Variants in TRMT11 observed in about 807,000 individuals in gnomAD.
TRMT11 encodes tRNA methyltransferase 11.
In TRMT11, 53 loss-of-function variants were observed where a neutral mutation model predicts 62.8. The observed-to-expected ratio is 0.84, with a 90% CI of 0.68 to 1.06. The LOEUF is 1.06. Among genes scored for constraint, TRMT11 ranks in the 50% least tolerant of loss-of-function variants. The probability of loss-of-function intolerance (pLI) is 0.00; values close to 1 mark genes in which losing one functional copy is unlikely to be tolerated. For missense variants in TRMT11, 556 were observed against 553.4 expected (o/e 1.00, Z -0.05); for synonymous variants, 188 against 190.3 (o/e 0.99, Z 0.10).
chr6:126,059,045 C>CT (rs1036996695), intron 17 of TRMT11, among the ~76,000 whole-genome samples: 11,360 of 128,098 alleles, frequency 0.089, 1,529 homozygotes, highest in African/African-American at 0.27. Context: ...CTCTACTTAT[C>CT]TTTTTTTTTT....
rs1040027261 is a variant in TRMT11 at position 126,131,343 on chromosome 6, G to T, written c.*1823+15488G>T. Reference sequence around the variant, plus strand: ...CCACAGAGGAGATAACTGATCTGGGGCTTAGCAGTATTGGCAGGGTGGTGC... The same window carrying T: ...CCACAGAGGAGATAACTGATCTGGGTCTTAGCAGTATTGGCAGGGTGGTGC... On this transcript the variant is annotated intron_variant and NMD_transcript_variant, in intron 21 of 22. Transcript: ENST00000648977. Among the ~76,000 whole-genome samples the T allele has an allele frequency of 2.4e-4, 36 of 152,014 alleles. 1 individual carries two copies. The highest frequency in any genetic ancestry group is 8.2e-4 in the African/African-American group (34 of 41,406).
rs773093327 is a variant in TRMT11, at chr6:125,986,581, C to CT, written c.32dup (p.Leu12AlafsTer42). On this transcript the variant is annotated frameshift_variant, in exon 1 of 13. Coordinates refer to ENST00000334379, the MANE Select transcript of TRMT11 (RefSeq NM_001031712.3). LOFTEE classifies it high-confidence loss of function. ...GCTGTCGTGTACCCTTAACAGGTAT[C>CT]TGCTCCTCATGGCGCAGGAGCATCT... 8.0e-5 allele frequency: 128 copies of CT among 1,591,186 alleles called. No homozygotes were observed. The African/African-American group carries it at 1.6e-3, about 20-fold the overall frequency.
chr6:126,163,193 G>T (rs917734438), intron 21 of TRMT11, among the ~76,000 whole-genome samples: 1 of 152,092 alleles, frequency 6.6e-6, no homozygotes, highest in Non-Finnish European at 1.5e-5. Context: ...TTGGCTGTGG[G>T]TTTTTCATAA....
At chr6:126,205,372 C>T (rs748610419), downstream of TRMT11, among the ~76,000 whole-genome samples, 30 of 152,144 alleles carry the variant, frequency 2.0e-4, 1 homozygote, top group East Asian at 2.1e-3. Flanking sequence ...GGCGTGGTGG[C>T]GAGTGCCTGT....
At chr6:126,256,659 A>T in the TRMT11 span, among the ~76,000 whole-genome samples, 1 of 152,218 alleles carries the variant, frequency 6.6e-6, no homozygotes, top group Non-Finnish European at 1.5e-5. Flanking sequence ...AAAAGGGGAA[A>T]GTGGGAGGCA....
chr6:126,021,138 C>T (rs1214159886), intron 11 of TRMT11, 22 bp from the exon 12 acceptor site: 1 of 1,613,516 alleles, frequency 6.2e-7, no homozygotes, highest in African/African-American at 1.3e-5. Flanking sequence ...GTGTTCCTAA[C>T]AGTCAGCTGT....
intron 21 of TRMT11, among the ~76,000 whole-genome samples, chr6:126,139,202 G>A (rs1310096463): frequency 1.3e-5 from 2 of 151,804 alleles, no homozygotes; most frequent in Non-Finnish European, 1.5e-5. Context: ...AATTTAAATA[G>A]TAAAACTAAT....
chr6:125,997,402 G>A (rs1304579178), intron 3 of TRMT11, among the ~76,000 whole-genome samples: 1 of 152,222 alleles, frequency 6.6e-6, no homozygotes, highest in African/African-American at 2.4e-5. Context: ...AATATTTTGA[G>A]CATGCGACAA....
At chr6:126,131,955 G>A (rs539694563) in intron 21 of TRMT11, among the ~76,000 whole-genome samples, 36 of 152,092 alleles carry the variant, frequency 2.4e-4, no homozygotes, top group African/African-American at 8.7e-4. Flanking sequence ...CAACTTAATG[G>A]CATAATGACT....
intron 1 of TRMT11, among the ~76,000 whole-genome samples, chr6:126,181,083 T>G (rs1778460899): frequency 6.6e-6 from 1 of 152,214 alleles, no homozygotes; most frequent in Admixed American, 6.5e-5. Flanking sequence ...TAAAGGAATA[T>G]TTTAGTGATT....
rs528918005 is a variant in TRMT11, at chr6:126,060,847, CTTG to C, written c.*1437+7663_*1437+7665del. On this transcript the variant is annotated intron_variant and NMD_transcript_variant, in intron 17 of 22. Transcript: ENST00000648977. Reference sequence around the variant, plus strand: ...CATTTTGAGAACACAACATAGACTACTTGTTGTTTGCTTTTAGATCAGAGAACA... The same window carrying C: ...CATTTTGAGAACACAACATAGACTACTTGTTTGCTTTTAGATCAGAGAACA... Among the ~76,000 whole-genome samples the C allele has an allele frequency of 2.6e-4, 39 of 152,342 alleles. No homozygotes were observed. In the East Asian group the frequency reaches 4.2e-3, roughly 17 times the overall value.
intron 12 of TRMT11, among the ~76,000 whole-genome samples, chr6:126,023,041 G>A (rs969026490): frequency 7.9e-5 from 12 of 152,050 alleles, no homozygotes; most frequent in African/African-American, 2.2e-4. Flanking sequence ...TTGTTTTATA[G>A]TAACACCTTG....
At position 126,038,817 on chromosome 6, in the gene TRMT11, A is replaced by C. The variant is rs1038089984; in HGVS notation, c.1373A>C (p.Glu458Ala). The change falls in exon 13 of 13, where the codon GAA (glutamate) becomes GCA (alanine). Residue 458 changes from glutamate (E) to alanine (A), a missense_variant. Glu to Ala is a moderately radical substitution (Grantham distance 107). Transcript: ENST00000334379. ...GTAACAAAAAGAATTGCCAAGGAAGAAAAATCCACCCAGGAATGAAAATTA... is the reference window on the plus strand; with the variant it reads ...GTAACAAAAAGAATTGCCAAGGAAGCAAAATCCACCCAGGAATGAAAATTA... The part of the protein sequence containing the change: ...SGVTKRIAKE[E>A]KSTQE 1.9e-5 allele frequency: 30 copies of C among 1,599,090 alleles called. No individual in the cohort carries two copies. The highest frequency in any genetic ancestry group is 2.5e-5 in the Non-Finnish European group (29 of 1,174,744).
chr6:125,990,161 GTTTC>G (rs1186981541), intron 1 of TRMT11, among the ~76,000 whole-genome samples: 11 of 151,896 alleles, frequency 7.2e-5, no homozygotes, highest in African/African-American at 2.7e-4. Context: ...TGTTTCTATT[GTTTC>G]TTTTTGTTCT....
chr6:126,256,881 TTTG>T, the TRMT11 span, among the ~76,000 whole-genome samples: 169 of 152,030 alleles, frequency 1.1e-3, no homozygotes, highest in South Asian at 6.5e-3. Context: ...TGTTTGTTTG[TTTG>T]TTGTTGTTGT....
the TRMT11 span, among the ~76,000 whole-genome samples, chr6:126,237,243 C>T: frequency 6.6e-6 from 1 of 152,120 alleles, no homozygotes; most frequent in South Asian, 2.1e-4. Flanking sequence ...CTTAAGCTCT[C>T]CTCTGGGAAA....
upstream of TRMT11, among the ~76,000 whole-genome samples, chr6:126,172,495 C>G (rs535244184): frequency 1.3e-5 from 2 of 152,316 alleles, no homozygotes; most frequent in East Asian, 3.9e-4. Flanking sequence ...TTTTACCTCA[C>G]AGATTGCTCA....
chr6:126,033,003 C>CT (rs1774491151), intron 12 of TRMT11, among the ~76,000 whole-genome samples: 1 of 152,116 alleles, frequency 6.6e-6, no homozygotes, highest in Non-Finnish European at 1.5e-5. Context: ...CATTTTAATC[C>CT]TATGATCCCT....
chr6:126,006,175 A>G (rs1208069612), intron 7 of TRMT11, among the ~76,000 whole-genome samples: 1 of 152,006 alleles, frequency 6.6e-6, no homozygotes, highest in Non-Finnish European at 1.5e-5. Flanking sequence ...TGGTTCGTCT[A>G]GTAGGAGTCC....
Sources: gnomAD v4.1 joint callset for allele counts (sites outside exome capture counted in the v4.1 genomes callset) on GRCh38, gnomAD v4.1.1 for gene constraint, MANE v1.5 for transcripts, NCBI Gene and HGNC (gene_info 2026-07-23, HGNC 2026-07-21) for gene names.